TAGAP: variants seen among roughly 807,000 people sequenced by gnomAD.
TAGAP encodes T-cell activation Rho GTPase-activating protein.
TAGAP carries 16 observed loss-of-function variants against 36.0 expected under a neutral mutation model. The observed-to-expected ratio is 0.44, with a 90% CI of 0.30 to 0.68. The LOEUF (loss-of-function observed/expected upper bound fraction) is 0.68. Ranked by LOEUF, TAGAP falls within the 30% of genes least tolerant of loss-of-function variation. The pLI is 0.09. For missense variants in TAGAP, 794 were observed against 921.5 expected, an observed-to-expected ratio of 0.86 and a Z score of 1.79; for synonymous variants, 372 against 377.4, an observed-to-expected ratio of 0.99 and a Z score of 0.17.
chr6:159,043,790 T>G, intron 3 of TAGAP, 135 bp from the exon 4 acceptor site: 2 of 1,052,058 alleles, frequency 1.9e-6, no homozygotes, highest in Non-Finnish European at 2.9e-6. Flanking sequence ...TTTTCTAGCT[T>G]CTAGAAGCAA....
intron 7 of TAGAP, among the ~76,000 whole-genome samples, chr6:159,039,785 A>G (rs113846357): frequency 6.6e-5 from 10 of 152,376 alleles, no homozygotes; most frequent in African/African-American, 2.4e-4. Flanking sequence ...AAGCTTTATG[A>G]AGACTAAATC....
At chr6:159,044,691 T>C (rs1315452553) in intron 1 of TAGAP, among the ~76,000 whole-genome samples, 188 bp downstream of exon 1, 2 of 151,170 alleles carry the variant, frequency 1.3e-5, no homozygotes, top group Non-Finnish European at 2.9e-5. Context: ...GAAACAAAGA[T>C]AACATTTACA....
rs758007058 is a variant in TAGAP at position 159,035,922 on chromosome 6, C to A, written c.2101G>T (p.Val701Leu). The change falls in exon 10 of 10, where the codon GTG becomes TTG. Residue 701 changes from valine to leucine, a missense_variant. Transcript: ENST00000367066. Reference protein sequence around the residue: ...LLPLRTVSESVQRNKRDCLVR... With the variant: ...LLPLRTVSESLQRNKRDCLVR... ...AGACAGTCCCGCTTATTCCTCTGCA[C>A]GGACTCGGAGACGGTCCTCAGCGGG... 6.8e-6 allele frequency: 11 copies of A among 1,614,072 alleles called. 1 individual carries two copies. In the South Asian group the frequency reaches 9.9e-5, roughly 14 times the overall value.
rs762263007 is a variant in TAGAP, at chr6:159,041,556, C to G, written c.316-41G>C. The G allele has an allele frequency of 3.8e-6, 6 of 1,588,604 alleles. No homozygotes were observed. The highest frequency in any genetic ancestry group is 5.1e-6 in the Non-Finnish European group (6 of 1,167,146). On this transcript the variant is annotated intron_variant, in intron 5 of 9. Transcript: ENST00000367066. This position sits in a 1 kb window ranked among gnomAD's most constrained non-coding sequence, Gnocchi z 4.1. ...ATAGGAACAGGAAAGGGTTACCCTT[C>G]TTCTTTAGTATACTGAGATAGTCTT...
In TAGAP at chr6:159,036,314, C is replaced by G; in HGVS notation, c.1709G>C (p.Cys570Ser). ...CACCGAGAGGGCGTGGGGTCTCAGG[C>G]AGAAGCCGCGGGCTGTTTGGTTGTG... ...ETHNQTARGF[C>S]LRPHALSVDD... The change falls in exon 10 of 10, where the codon TGC becomes TCC. Residue 570 changes from cysteine to serine, a missense_variant. Physicochemically the swap from Cys to Ser is moderately radical, Grantham distance 112. Transcript: ENST00000367066. The surrounding 1 kb of genome is among the most constrained non-coding windows in gnomAD (Gnocchi z 4.9). The G allele has an allele frequency of 1.2e-6, 2 of 1,613,738 alleles. No homozygotes were observed. Among genetic ancestry groups the G allele is most frequent in the Admixed American group, 1.7e-5 (1 of 60,014 alleles).
rs1318013690 is a variant in TAGAP, at chr6:159,036,021, T to G, written c.2002A>C (p.Lys668Gln). ...GAAGCATGGACAGTTCTGCTCTGTT[T>G]CCATCGCTCAGGCAGGGGAGAGAGT... ...HGLSPLPERWKQSRTVHASGD... is the reference protein window; with the variant it reads ...HGLSPLPERWQQSRTVHASGD... Residue 668 changes from lysine (K) to glutamine (Q), a missense_variant, in exon 10 of 10, where the codon AAA (lysine) becomes CAA (glutamine). Transcript: ENST00000367066. The surrounding 1 kb of genome is among the most constrained non-coding windows in gnomAD (Gnocchi z 4.9). 5.6e-6 allele frequency: 9 copies of G among 1,611,724 alleles called. No homozygotes were observed. The highest frequency in any genetic ancestry group is 7.6e-6 in the Non-Finnish European group (9 of 1,178,130).
intron 4 of TAGAP, 102 bp from the exon 5 acceptor site, chr6:159,042,346 A>G: frequency 6.7e-7 from 1 of 1,498,226 alleles, no homozygotes; most frequent in Non-Finnish European, 8.9e-7. Flanking sequence ...TAATGTGGTC[A>G]ATAGTATGCG....
At position 159,041,974 on chromosome 6, in the gene TAGAP, A is replaced by G. The variant is rs747460691; in HGVS notation, c.315+104T>C. On this transcript the variant is annotated intron_variant, in intron 5 of 9. Coordinates refer to ENST00000367066, the MANE Select transcript of TAGAP (RefSeq NM_054114.5). The surrounding 1 kb of genome is among the most constrained non-coding windows in gnomAD (Gnocchi z 4.1). Reference sequence around the variant, plus strand: ...TGTTGAAGAGTGGAAAATATGGAAGATCAGTCCCTACAAACTTAATAGGAG... The same window carrying G: ...TGTTGAAGAGTGGAAAATATGGAAGGTCAGTCCCTACAAACTTAATAGGAG... 1 of 1,286,084 alleles carries G rather than the reference A, an allele frequency of 7.8e-7. No individual in the cohort carries two copies. Among genetic ancestry groups the G allele is most frequent in the Non-Finnish European group, 1.1e-6 (1 of 921,290 alleles). The allele number at this position is 1,286,084 out of a possible 1,614,324, so 79.7% of individuals were successfully genotyped here. A position where few individuals can be genotyped will look rare whatever the true frequency, so the allele number is the denominator to read the frequency against.
Position 159,037,883 on chromosome 6 carries a change from C to T in TAGAP, c.898+231G>A, listed in dbSNP as rs1441797375. ...GCTTAGTGAAATCAGCAGTGATTTG[C>T]GATGTACACTGGGAAGGGGGAAAGA... On this transcript the variant is annotated intron_variant, in intron 9 of 9. Transcript: ENST00000367066. The surrounding 1 kb of genome is among the most constrained non-coding windows in gnomAD (Gnocchi z 5.1). Among the ~76,000 whole-genome samples, 1 of 152,100 alleles carries T rather than the reference C, an allele frequency of 6.6e-6. No individual in the cohort carries two copies. The highest frequency in any genetic ancestry group is 1.5e-5 in the Non-Finnish European group (1 of 68,024).
Position 159,038,189 on chromosome 6 carries a change from C to G in TAGAP, c.823G>C (p.Glu275Gln). The stretch of plus-strand genomic sequence containing the variant: ...ACTGGAATGTTCTCCCCAAATATTT[C>G]AAAGCAGTTATCAATGAGGAATTCC... ...LVEFLIDNCF[E>Q]IFGENIPVHS... The change falls in exon 9 of 10, where the codon GAA becomes CAA. Residue 275 changes from glutamate to glutamine, a missense_variant. Physicochemically the swap from Glu to Gln is conservative, Grantham distance 29. Transcript: ENST00000367066. The G allele has an allele frequency of 6.2e-7, 1 of 1,601,794 alleles. No individual in the cohort carries two copies. Among genetic ancestry groups the G allele is most frequent in the South Asian group, 1.1e-5 (1 of 90,912 alleles).
chr6:159,044,197 G>T lies in TAGAP; in HGVS notation c.-51C>A, dbSNP rs1186005036. ...GTGGATTTCACTCCCGTGTGGCTGT[G>T]CCTCTGTCTACAACGAATCACATGG... On this transcript the variant is annotated 5_prime_UTR_variant, in exon 2 of 10. Transcript: ENST00000367066. 1 of 1,599,868 alleles carries T rather than the reference G, an allele frequency of 6.3e-7. No homozygotes were observed. The highest frequency in any genetic ancestry group is 1.1e-5 in the South Asian group (1 of 88,764).
In TAGAP at chr6:159,034,648, T is replaced by G. The variant is rs1779465385; in HGVS notation, c.*1179A>C. 1 of 152,202 alleles carries G rather than the reference T, an allele frequency of 6.6e-6. No individual in the cohort carries two copies. Among genetic ancestry groups the G allele is most frequent in the Non-Finnish European group, 1.5e-5 (1 of 68,024 alleles). 9.4% of individuals were successfully genotyped at this position (152,202 alleles called of 1,614,324 possible). ...CAATAATTAAGCAAACTGAGCATCA[T>G]AAGAATGAGGTGAGATGTAAAATTA... On this transcript the variant is annotated 3_prime_UTR_variant, in exon 10 of 10. Transcript: ENST00000367066.
At position 159,041,121 on chromosome 6, in the gene TAGAP, C is replaced by G. The variant is rs1176587745; in HGVS notation, c.477+233G>C. ...ATTCTGCCACGGAACAATCAAATTGCCCGTACTTGGCAAAGTTTTGGGAGA... is the reference window on the plus strand; with the variant it reads ...ATTCTGCCACGGAACAATCAAATTGGCCGTACTTGGCAAAGTTTTGGGAGA... On this transcript the variant is annotated intron_variant, in intron 6 of 9. Transcript: ENST00000367066. The surrounding 1 kb of genome is among the most constrained non-coding windows in gnomAD (Gnocchi z 4.1). 6.5e-6 allele frequency: 4 copies of G among 618,784 alleles called. No individual in the cohort carries two copies. In the Admixed American group the frequency reaches 1.2e-4, roughly 19 times the overall value. The allele number at this position is 618,784 out of a possible 1,614,324, so 38.3% of individuals were successfully genotyped here.
intron 8 of TAGAP, among the ~76,000 whole-genome samples, 165 bp from the exon 9 acceptor site, chr6:159,038,393 C>CTT (rs34454153): frequency 0.14 from 18,544 of 137,230 alleles, 1,661 homozygotes; most frequent in East Asian, 0.41. Flanking sequence ...CAATCAGATA[C>CTT]TTTTTTTTTT....
chr6:159,036,787 A>C lies in TAGAP; in HGVS notation c.1236T>G (p.Arg412=), dbSNP rs753277880. ...GDFPVPRVGS[R]LESEEAEDPF... ...GGTCTTCAGCCTCCTCACTTTCCAA[A>C]CGAGAGCCTACCCGGGGCACGGGGA... The change falls in exon 10 of 10, where the codon CGT becomes CGG. Residue 412 remains arginine, a synonymous_variant. Coordinates refer to ENST00000367066, the MANE Select transcript of TAGAP (RefSeq NM_054114.5). This position sits in a 1 kb window ranked among gnomAD's most constrained non-coding sequence, Gnocchi z 4.9. The C allele has an allele frequency of 6.2e-7, 1 of 1,614,070 alleles. No homozygotes were observed. The highest frequency in any genetic ancestry group is 1.1e-5 in the South Asian group (1 of 91,080).
Position 159,044,046 on chromosome 6 carries a change from A to G in TAGAP, c.28-15T>C, listed in dbSNP as rs1323143389. 6.2e-7 allele frequency: 1 copy of G among 1,613,734 alleles called. No homozygotes were observed. The highest frequency in any genetic ancestry group is 1.1e-5 in the South Asian group (1 of 90,918). ...AGTGTTTTTGACTAAAAGAGAAAAA[A>G]TAAAATTAGGTAAATATCTTTTGGC... On this transcript the variant is annotated splice_polypyrimidine_tract_variant and intron_variant, in intron 2 of 9. Coordinates refer to ENST00000367066, the MANE Select transcript of TAGAP (RefSeq NM_054114.5).
Position 159,038,094 on chromosome 6 carries a change from A to C in TAGAP, c.898+20T>G. On this transcript the variant is annotated intron_variant, in intron 9 of 9. Transcript: ENST00000367066. Reference sequence around the variant, plus strand: ...GAACTTTTCCCTACAATCGTAATCAAATGATAGCACATTCCATACCTGAAC... The same window carrying C: ...GAACTTTTCCCTACAATCGTAATCACATGATAGCACATTCCATACCTGAAC... 6.6e-7 allele frequency: 1 copy of C among 1,504,390 alleles called. No homozygotes were observed. Among genetic ancestry groups the C allele is most frequent in the Non-Finnish European group, 9.2e-7 (1 of 1,085,304 alleles). 93.2% of individuals were successfully genotyped at this position (1,504,390 alleles called of 1,614,324 possible). A position where few individuals can be genotyped will look rare whatever the true frequency, so the allele number is the denominator to read the frequency against.
chr6:159,036,328 T>G lies in TAGAP; in HGVS notation c.1695A>C (p.Thr565=), dbSNP rs1415400508. 1.2e-6 allele frequency: 2 copies of G among 1,613,118 alleles called. No individual in the cohort carries two copies. The highest frequency in any genetic ancestry group is 3.3e-5 in the Admixed American group (2 of 59,936). Residue 565 remains threonine, a synonymous_variant, in exon 10 of 10, where the codon ACA becomes ACC. Coordinates refer to ENST00000367066, the MANE Select transcript of TAGAP (RefSeq NM_054114.5). The surrounding 1 kb of genome is among the most constrained non-coding windows in gnomAD (Gnocchi z 4.9). ...GGGGTCTCAGGCAGAAGCCGCGGGC[T>G]GTTTGGTTGTGGGTTTCACACCCAT... ...QENGCETHNQ[T]ARGFCLRPHA... is the part of the protein sequence containing the mutation.
chr6:159,040,850 G>A lies in TAGAP; in HGVS notation c.478-18C>T, dbSNP rs958763650. ...AGGAAGTCCTGGGGGATGAGAGTGG[G>A]CTGTTGGCCTATTGGTACTGTATGA... On this transcript the variant is annotated intron_variant, in intron 6 of 9. Coordinates refer to ENST00000367066, the MANE Select transcript of TAGAP (RefSeq NM_054114.5). 11 of 1,593,996 alleles carry A rather than the reference G, an allele frequency of 6.9e-6. No homozygotes were observed. The African/African-American group carries it at 1.3e-4, about 19-fold the overall frequency.
Sources: allele counts gnomAD v4.1 joint callset (sites outside exome capture counted in the v4.1 genomes callset), GRCh38; gene constraint gnomAD v4.1.1; non-coding constraint Gnocchi (gnomAD v3.1); transcripts MANE v1.5; gene names NCBI Gene and HGNC (gene_info 2026-07-23, HGNC 2026-07-21).